Variants in ATP6V1A observed in about 807,000 individuals in gnomAD.
The protein encoded by ATP6V1A is V-type proton ATPase catalytic subunit A.
Under a neutral mutation model 70.1 loss-of-function variants are expected in ATP6V1A, and 18 were observed. That is an observed-to-expected ratio of 0.26 (90% CI 0.18 to 0.38). The LOEUF is 0.38. Ranked by LOEUF, ATP6V1A falls within the 10% of genes least tolerant of loss-of-function variation. The pLI, the probability that ATP6V1A is intolerant of heterozygous loss-of-function variation, is 1.00. For synonymous variants in ATP6V1A, 232 were observed against 253.8 expected (o/e 0.91, Z 0.82); for missense variants, 424 against 772.4 (o/e 0.55, Z 5.35).
chr3:113,785,252 C>T (rs1709024560), intron 5 of ATP6V1A, among the ~76,000 whole-genome samples: 1 of 151,924 alleles, frequency 6.6e-6, no homozygotes, highest in African/African-American at 2.4e-5. Context: ...CCAGCCTGAC[C>T]AACATGGTGA....
intron 14 of ATP6V1A, among the ~76,000 whole-genome samples, chr3:113,808,796 G>C (rs957212525): frequency 6.6e-6 from 1 of 152,142 alleles, no homozygotes; most frequent in East Asian, 1.9e-4. Flanking sequence ...TTTGGTCACT[G>C]AATGTGGTTA....
chr3:113,767,201 C>T (rs938974340), intron 1 of ATP6V1A, among the ~76,000 whole-genome samples: 2 of 149,600 alleles, frequency 1.3e-5, no homozygotes, highest in South Asian at 2.1e-4. Flanking sequence ...AAGCAATTCT[C>T]CTGCCTCAGC....
intron 7 of ATP6V1A, among the ~76,000 whole-genome samples, 160 bp downstream of exon 7, chr3:113,789,035 A>G (rs1222460820): frequency 6.6e-6 from 1 of 152,176 alleles, no homozygotes; most frequent in Non-Finnish European, 1.5e-5. Flanking sequence ...TGTATATTCA[A>G]GAAAAGGAAT....
intron 8 of ATP6V1A, among the ~76,000 whole-genome samples, chr3:113,794,093 C>T (rs1388200479): frequency 6.6e-6 from 1 of 152,158 alleles, no homozygotes; most frequent in African/African-American, 2.4e-5. Context: ...GAACCCAACA[C>T]TCGTTTCTGT....
intron 11 of ATP6V1A, 50 bp from the exon 12 acceptor site, chr3:113,798,193 T>C: frequency 1.3e-6 from 2 of 1,587,938 alleles, no homozygotes; most frequent in Non-Finnish European, 1.7e-6. Flanking sequence ...TTTTTAACTT[T>C]GTTTTTTGAG....
At position 113,803,671 on chromosome 3, in the gene ATP6V1A, A is replaced by G; in HGVS notation, c.1583A>G (p.Tyr528Cys). The change falls in exon 13 of 15, where the codon TAT becomes TGT. Residue 528 changes from tyrosine to cysteine, a missense_variant. By Grantham distance (194) the Tyr-to-Cys change is radical (BLOSUM62 -2). Coordinates refer to ENST00000273398, the MANE Select transcript of ATP6V1A (RefSeq NM_001690.4). The stretch of plus-strand genomic sequence containing the variant: ...CTACAACAAAATGGATATACTCCTT[A>G]TGACAGGTAAGCTATATTGATTTCC... ...DFLQQNGYTP[Y>C]DRFCPFYKTV... The G allele has an allele frequency of 1.3e-6, 2 of 1,596,210 alleles. No homozygotes were observed. Among genetic ancestry groups the G allele is most frequent in the Non-Finnish European group, 1.7e-6 (2 of 1,165,098 alleles).
At chr3:113,808,667 G>A (rs574977131) in intron 14 of ATP6V1A, among the ~76,000 whole-genome samples, 1 of 152,224 alleles carries the variant, frequency 6.6e-6, no homozygotes, top group South Asian at 2.1e-4. Flanking sequence ...AATACCAGAT[G>A]TTGAGCAAAT....
intron 1 of ATP6V1A, chr3:113,747,536 G>A (rs1037863037): frequency 1.3e-5 from 2 of 152,374 alleles, no homozygotes; most frequent in Admixed American, 6.5e-5. Flanking sequence ...GGAGGCAGAG[G>A]CGTCTCCGGT....
Position 113,778,723 on chromosome 3 carries a change from T to A in ATP6V1A, c.-13-18T>A, listed in dbSNP as rs752685507. 3 of 1,408,600 alleles carry A rather than the reference T, an allele frequency of 2.1e-6. No homozygotes were observed. Among genetic ancestry groups the A allele is most frequent in the Non-Finnish European group, 2.9e-6 (3 of 1,041,084 alleles). The allele number at this position is 1,408,600 out of a possible 1,614,324, so 87.3% of individuals were successfully genotyped here. ...ACGGTTTATAATTATAACTTATTTATTTATTTATTTACTATAGGTAAACTA... is the reference window on the plus strand; with the variant it reads ...ACGGTTTATAATTATAACTTATTTAATTATTTATTTACTATAGGTAAACTA... On this transcript the variant is annotated intron_variant, in intron 1 of 14. Transcript: ENST00000273398.
intron 7 of ATP6V1A, among the ~76,000 whole-genome samples, chr3:113,789,306 C>T (rs1400338017): frequency 1.3e-5 from 2 of 152,088 alleles, no homozygotes; most frequent in Non-Finnish European, 2.9e-5. Flanking sequence ...CTTCAGCCTC[C>T]CAAATTGCTG....
intron 1 of ATP6V1A, among the ~76,000 whole-genome samples, chr3:113,759,354 C>G (rs1708677481): frequency 6.8e-6 from 1 of 147,212 alleles, no homozygotes; most frequent in Non-Finnish European, 1.5e-5. Context: ...AGACAATATG[C>G]TTTCTACACT....
intron 1 of ATP6V1A, among the ~76,000 whole-genome samples, chr3:113,758,299 C>T (rs951653853): frequency 6.6e-6 from 1 of 152,136 alleles, no homozygotes; most frequent in African/African-American, 2.4e-5. Flanking sequence ...CATATCTGCA[C>T]ATAAAGTATA....
intron 8 of ATP6V1A, among the ~76,000 whole-genome samples, chr3:113,792,821 A>G (rs1236373059): frequency 6.6e-6 from 1 of 152,232 alleles, no homozygotes; most frequent in East Asian, 1.9e-4. Flanking sequence ...AAAGATACGG[A>G]AAAGTTGAAA....
At chr3:113,788,478 G>A (rs1312073927) in intron 6 of ATP6V1A, among the ~76,000 whole-genome samples, 2 of 151,470 alleles carry the variant, frequency 1.3e-5, no homozygotes, top group African/African-American at 2.4e-5. Context: ...GGGATTACAG[G>A]CACCCACCAC....
intron 5 of ATP6V1A, among the ~76,000 whole-genome samples, chr3:113,785,654 A>G (rs1239023929): frequency 6.7e-6 from 1 of 150,116 alleles, no homozygotes; most frequent in Non-Finnish European, 1.5e-5. Context: ...GACCACGGGC[A>G]CATGCCACCA....
chr3:113,749,471 C>G (rs1442966017), intron 1 of ATP6V1A, among the ~76,000 whole-genome samples: 1 of 152,082 alleles, frequency 6.6e-6, no homozygotes. Context: ...GTTTTCTTTT[C>G]CTGAGTTCTT....
At chr3:113,781,205 C>A in intron 3 of ATP6V1A, 27 bp downstream of exon 3, 1 of 1,587,086 alleles carries the variant, frequency 6.3e-7, no homozygotes, top group Non-Finnish European at 8.6e-7. Context: ...AATTTCCTGC[C>A]ACTTTCTATA....
intron 1 of ATP6V1A, among the ~76,000 whole-genome samples, chr3:113,763,328 C>T (rs1708727969): frequency 6.6e-6 from 1 of 152,204 alleles, no homozygotes; most frequent in African/African-American, 2.4e-5. Flanking sequence ...ACCTCGTGAT[C>T]CGCCCACCTT....
At chr3:113,759,561 T>A (rs918034067) in intron 1 of ATP6V1A, among the ~76,000 whole-genome samples, 1 of 151,922 alleles carries the variant, frequency 6.6e-6, no homozygotes, top group East Asian at 1.9e-4. Context: ...ATTAAAATTA[T>A]TAATAAAATT....
Sources: gnomAD v4.1 joint callset for allele counts (sites outside exome capture counted in the v4.1 genomes callset) on GRCh38, gnomAD v4.1.1 for gene constraint, MANE v1.5 for transcripts, NCBI Gene and HGNC (gene_info 2026-07-23, HGNC 2026-07-21) for gene names.